Variants in CSNK1G3 observed in about 807,000 individuals in gnomAD.
The protein encoded by CSNK1G3 is casein kinase 1 gamma 3, also known as casein kinase I isoform gamma-3.
Under a neutral mutation model 64.3 loss-of-function variants are expected in CSNK1G3, and 23 were observed. That is an observed-to-expected ratio of 0.36 (90% CI 0.26 to 0.51). The LOEUF (loss-of-function observed/expected upper bound fraction) is 0.51, where lower values mean the gene tolerates loss of function less well. CSNK1G3 is among the 20% of genes least tolerant of loss of function. The pLI is 0.96. For synonymous variants in CSNK1G3, 158 were observed against 162.2 expected (o/e 0.97, Z 0.20); for missense variants, 357 against 510.5 (o/e 0.70, Z 2.90).
chr5:123,589,522 A>T (rs1478046431), intron 8 of CSNK1G3, among the ~76,000 whole-genome samples: 1 of 152,100 alleles, frequency 6.6e-6, no homozygotes, highest in African/African-American at 2.4e-5. Flanking sequence ...AGGTCACTGC[A>T]CACCACTTTT....
At chr5:123,521,334 GTCAT>G (rs1432985664) in intron 1 of CSNK1G3, among the ~76,000 whole-genome samples, 1 of 151,962 alleles carries the variant, frequency 6.6e-6, no homozygotes, top group African/African-American at 2.4e-5. Context: ...TACTTTTTCT[GTCAT>G]ACGAGTATCA....
At chr5:123,588,440 A>G (rs1402791118) in exon 8 of CSNK1G3, 1 of 1,611,636 alleles carries the variant, frequency 6.2e-7, no homozygotes, top group Admixed American at 1.7e-5. Context: ...GACACATTAA[A>G]GGAGAGGTAT....
chr5:123,589,953 G>A (rs998338694), intron 8 of CSNK1G3, among the ~76,000 whole-genome samples: 4 of 151,816 alleles, frequency 2.6e-5, no homozygotes, highest in African/African-American at 4.8e-5. Flanking sequence ...TTAGTTAGTT[G>A]GTTTATGTCA....
chr5:123,563,659 G>A (rs1367670564), intron 4 of CSNK1G3, among the ~76,000 whole-genome samples: 1 of 151,974 alleles, frequency 6.6e-6, no homozygotes, highest in African/African-American at 2.4e-5. Context: ...AAAGTTGTGG[G>A]TATAAACCAT....
At chr5:123,538,180 C>T (rs1232493535) in intron 1 of CSNK1G3, among the ~76,000 whole-genome samples, 2 of 151,922 alleles carry the variant, frequency 1.3e-5, no homozygotes, top group Non-Finnish European at 2.9e-5. Context: ...TTTTTATTTC[C>T]TTGGGTAAAC....
intron 4 of CSNK1G3, among the ~76,000 whole-genome samples, chr5:123,558,805 A>G (rs1435913472): frequency 6.6e-6 from 1 of 152,234 alleles, no homozygotes; most frequent in Non-Finnish European, 1.5e-5. Flanking sequence ...ATTAGTTATT[A>G]TACTAGCAAA....
intron 12 of CSNK1G3, 91 bp downstream of exon 13, chr5:123,605,453 C>G (rs1467109054): frequency 6.9e-6 from 9 of 1,302,322 alleles, no homozygotes; most frequent in Admixed American, 5.7e-5. Context: ...AAACAAAACT[C>G]TCAACACAGT....
At chr5:123,546,088 A>C (rs769050454) in intron 2 of CSNK1G3, 24 of 391,684 alleles carry the variant, frequency 6.1e-5, no homozygotes, top group Non-Finnish European at 8.4e-5. Context: ...CAAACAATTA[A>C]ATTAAAATAG....
At chr5:123,549,416 A>G (rs1354275278) in intron 2 of CSNK1G3, among the ~76,000 whole-genome samples, 3 of 152,166 alleles carry the variant, frequency 2.0e-5, no homozygotes, top group Non-Finnish European at 2.9e-5. Context: ...AGCTGGGAGC[A>G]TGCCTATGAT....
chr5:123,521,733 G>T (rs1172502865), intron 1 of CSNK1G3, among the ~76,000 whole-genome samples: 1 of 152,178 alleles, frequency 6.6e-6, no homozygotes, highest in Non-Finnish European at 1.5e-5. Flanking sequence ...GATAGTTCAT[G>T]CAGTCCTTGC....
chr5:123,611,084 A>G (rs1488855973), intron 12 of CSNK1G3, among the ~76,000 whole-genome samples: 1 of 152,250 alleles, frequency 6.6e-6, no homozygotes, highest in Non-Finnish European at 1.5e-5. Context: ...TTTCAGATTA[A>G]GTGCTGGGGA....
chr5:123,593,172 C>G (rs2151004806), intron 10 of CSNK1G3, among the ~76,000 whole-genome samples: 1 of 149,158 alleles, frequency 6.7e-6, no homozygotes, highest in Non-Finnish European at 1.5e-5. Context: ...AGTCCTTGCA[C>G]TAAATGTAGG....
At chr5:123,514,002 CAAAAGAT>C (rs1257552908) in intron 1 of CSNK1G3, among the ~76,000 whole-genome samples, 1 of 151,728 alleles carries the variant, frequency 6.6e-6, no homozygotes, top group Non-Finnish European at 1.5e-5. Context: ...TATAGTTGCA[CAAAAGAT>C]AAAAGATAAA....
chr5:123,590,297 A>G (rs1423320192), intron 8 of CSNK1G3, 113 bp from the exon 9 acceptor site: 6 of 434,560 alleles, frequency 1.4e-5, no homozygotes, highest in Non-Finnish European at 2.3e-5. Flanking sequence ...TTGCAATGTA[A>G]TTTTGTTACT....
Position 123,535,195 on chromosome 5 carries a change from T to C in CSNK1G3, c.-247-10222T>C, listed in dbSNP as rs894437296. On this transcript the variant is annotated intron_variant, in intron 1 of 12. Transcript: ENST00000345990. ...GGTCTCTGTCACAACTATTCAACTCTTCTCTTGTAGCGCAAAAGCATCCAT... is the reference window on the plus strand; with the variant it reads ...GGTCTCTGTCACAACTATTCAACTCCTCTCTTGTAGCGCAAAAGCATCCAT... Among the ~76,000 whole-genome samples the C allele has an allele frequency of 7.9e-5, 12 of 152,284 alleles. No homozygotes were observed. The East Asian group carries it at 1.9e-3, about 24-fold the overall frequency.
intron 10 of CSNK1G3, among the ~76,000 whole-genome samples, chr5:123,600,397 G>A (rs190108554): frequency 7.6e-4 from 115 of 152,030 alleles, no homozygotes; most frequent in African/African-American, 2.6e-3. Flanking sequence ...AGGCTGAGGC[G>A]GGTGATCACT....
intron 12 of CSNK1G3, among the ~76,000 whole-genome samples, chr5:123,611,822 T>A (rs1223421838): frequency 6.6e-6 from 1 of 152,220 alleles, no homozygotes; most frequent in Non-Finnish European, 1.5e-5. Flanking sequence ...AAGTATTTGG[T>A]CTGTCACTTC....
At chr5:123,541,775 T>TG in intron 1 of CSNK1G3, among the ~76,000 whole-genome samples, 1 of 152,242 alleles carries the variant, frequency 6.6e-6, no homozygotes, top group East Asian at 1.9e-4. Flanking sequence ...AGTTGAGTCT[T>TG]GCTTTTTTAT....
chr5:123,518,689 G>T (rs541062459), intron 1 of CSNK1G3, among the ~76,000 whole-genome samples: 10 of 152,284 alleles, frequency 6.6e-5, no homozygotes, highest in African/African-American at 2.2e-4. Flanking sequence ...GGTTATCATG[G>T]TTGGTTTCTA....
Sources: gnomAD v4.1 joint callset for allele counts (sites outside exome capture counted in the v4.1 genomes callset) on GRCh38, gnomAD v4.1.1 for gene constraint, MANE v1.5 for transcripts, NCBI Gene and HGNC (gene_info 2026-07-23, HGNC 2026-07-21) for gene names.